TRRAP: variants seen among roughly 807,000 people sequenced by gnomAD.
TRRAP encodes transformation/transcription domain associated protein.
TRRAP carries 41 observed loss-of-function variants against 438.8 expected under a neutral mutation model. That is an observed-to-expected ratio of 0.09 (90% CI 0.07 to 0.12). TRRAP has a LOEUF of 0.12. Ranked by LOEUF, TRRAP falls within the 10% of genes least tolerant of loss-of-function variation. The pLI is 1.00. For synonymous variants in TRRAP, 1,994 were observed against 1,962.9 expected (o/e 1.02, Z -0.42); for missense variants, 3,122 against 5,055.1 (o/e 0.62, Z 11.60).
intron 47 of TRRAP, among the ~76,000 whole-genome samples, chr7:98,962,707 C>T (rs1401836865): frequency 6.6e-6 from 1 of 152,226 alleles, no homozygotes; most frequent in Non-Finnish European, 1.5e-5. Flanking sequence ...ACCCCAGTGT[C>T]ACACTAAACA....
chr7:98,889,002 G>A (rs187716402), intron 3 of TRRAP, among the ~76,000 whole-genome samples: 1 of 150,664 alleles, frequency 6.6e-6, no homozygotes, highest in East Asian at 1.9e-4. Flanking sequence ...AAAAGGATTT[G>A]GGTGTTAGAT....
At position 98,893,807 on chromosome 7, in the gene TRRAP, G is replaced by A; in HGVS notation, c.376G>A (p.Glu126Lys). The change falls in exon 6 of 73, where the codon GAA becomes AAA. Residue 126 changes from glutamate (E) to lysine (K), a missense_variant. By Grantham distance (56) the Glu-to-Lys change is moderately conservative. This residue lies in a region of TRRAP where 343 missense variants were observed against 564.0 expected (regional missense o/e 0.61). Coordinates refer to ENST00000456197, the MANE Select transcript of TRRAP (RefSeq NM_001375524.1). ...VMFRFLETEN[E>K]ENVLICLRII... ...AAATGCTTTTTTTTAGACGGAAAAT[G>A]AAGAAAATGTTCTTATTTGTCTAAG... The A allele has an allele frequency of 6.2e-7, 1 of 1,612,942 alleles. No individual in the cohort carries two copies. Among genetic ancestry groups the A allele is most frequent in the Non-Finnish European group, 8.5e-7 (1 of 1,179,534 alleles).
chr7:98,959,410 C>T lies in TRRAP; in HGVS notation c.6409C>T (p.Leu2137=), dbSNP rs760297611. The change falls in exon 45 of 73, where the codon CTG becomes TTG. Residue 2137 remains leucine, a synonymous_variant. Coordinates refer to ENST00000456197, the MANE Select transcript of TRRAP (RefSeq NM_001375524.1). ...GCTCTCTCGCCGGTGTGTGAACCTT[C>T]TGAAGACTGCGTTGCGGCCAGACAT... The part of the protein sequence containing the change: ...EVLSRRCVNL[L]KTALRPDMWP... 24 of 1,614,138 alleles carry T rather than the reference C, an allele frequency of 1.5e-5. No individual in the cohort carries two copies. In the East Asian group the frequency reaches 5.3e-4, roughly 36 times the overall value.
At chr7:98,911,026 C>G in intron 16 of TRRAP, 51 bp from the exon 17 acceptor site, 1 of 1,533,754 alleles carries the variant, frequency 6.5e-7, no homozygotes, top group African/African-American at 1.4e-5. Context: ...GGAACATATT[C>G]AGAGAGGTTC....
rs1554412837 is a variant in TRRAP, at chr7:98,931,460, G to A, written c.3647G>A (p.Arg1216Gln). 2.5e-6 allele frequency: 4 copies of A among 1,613,982 alleles called. No individual in the cohort carries two copies. Among genetic ancestry groups the A allele is most frequent in the South Asian group, 1.1e-5 (1 of 91,068 alleles). The change falls in exon 26 of 73, where the codon CGG (arginine) becomes CAG (glutamine). Residue 1216 changes from arginine to glutamine, a missense_variant. Arg to Gln is a conservative substitution (Grantham distance 43, BLOSUM62 1). Coordinates refer to ENST00000456197, the MANE Select transcript of TRRAP (RefSeq NM_001375524.1). ...AKTTLEQLLM[R>Q]CATPLKDEER... is the part of the protein sequence containing the mutation. ...ACCACGCTGGAGCAGCTTCTGATGC[G>A]GTGCGCAACGCCTTTAAAAGACGAG...
chr7:98,983,500 T>G, intron 60 of TRRAP, 41 bp downstream of exon 60: 1 of 1,609,986 alleles, frequency 6.2e-7, no homozygotes, highest in South Asian at 1.1e-5. Context: ...CATGTAATTT[T>G]CCAGACGCCC....
At chr7:98,934,160 C>T in intron 27 of TRRAP, among the ~76,000 whole-genome samples, 1 of 152,146 alleles carries the variant, frequency 6.6e-6, no homozygotes, top group Admixed American at 6.5e-5. Flanking sequence ...AAATTATAAG[C>T]AACATCTTTA....
chr7:98,995,646 A>AT (rs1287480139), intron 67 of TRRAP, among the ~76,000 whole-genome samples: 2 of 140,024 alleles, frequency 1.4e-5, no homozygotes, highest in Non-Finnish European at 3.1e-5. Flanking sequence ...ACCCCACAGT[A>AT]TCCCCCCCCC....
intron 31 of TRRAP, among the ~76,000 whole-genome samples, chr7:98,944,115 G>A (rs1021706349): frequency 2.0e-5 from 3 of 152,220 alleles, no homozygotes; most frequent in South Asian, 2.1e-4. Context: ...TCTTCGTGGA[G>A]GAGAGCAGAG....
rs781916462 is a variant in TRRAP at position 98,910,174 on chromosome 7, C to T, written c.1469C>T (p.Ala490Val). Residue 490 changes from alanine (A) to valine (V), a missense_variant, in exon 15 of 73, where the codon GCC becomes GTC. Around this residue, in one of 24 missense-constraint regions of TRRAP, gnomAD observed 115 missense variants for 124.6 expected, o/e 0.92. Coordinates refer to ENST00000456197, the MANE Select transcript of TRRAP (RefSeq NM_001375524.1). ...VEAALPGVPTAPAAPGPAPSP... is the reference protein window; with the variant it reads ...VEAALPGVPTVPAAPGPAPSP... The stretch of plus-strand genomic sequence containing the variant: ...GCAGCTCTGCCTGGGGTGCCCACTG[C>T]CCCTGCAGCTCCTGGCCCTGCTCCC... 4 of 1,611,234 alleles carry T rather than the reference C, an allele frequency of 2.5e-6. No homozygotes were observed. The highest frequency in any genetic ancestry group is 1.1e-5 in the South Asian group (1 of 90,844).
rs1554407487 is a variant in TRRAP at position 98,906,173 on chromosome 7, C to G, written c.1037-4C>G. On this transcript the variant is annotated splice_region_variant and splice_polypyrimidine_tract_variant and intron_variant, in intron 12 of 72. Coordinates refer to ENST00000456197, the MANE Select transcript of TRRAP (RefSeq NM_001375524.1). ...GATCTGTGCAATGGATGTTTGTCTTCTAGAGTTCATTCCTTGCATGGACAA... is the reference window on the plus strand; with the variant it reads ...GATCTGTGCAATGGATGTTTGTCTTGTAGAGTTCATTCCTTGCATGGACAA... 5.6e-6 allele frequency: 9 copies of G among 1,613,234 alleles called. No homozygotes were observed. The highest frequency in any genetic ancestry group is 1.3e-5 in the African/African-American group (1 of 74,888).
chr7:99,008,455 A>C lies in TRRAP; in HGVS notation c.10832A>C (p.Tyr3611Ser). ...TCTTCACTTTCCCTTGTGGAGATCTACAAGCAGCGCTGCGCCAAGAAGGGC... is the reference window on the plus strand; with the variant it reads ...TCTTCACTTTCCCTTGTGGAGATCTCCAAGCAGCGCTGCGCCAAGAAGGGC... ...NPSSLSLVEI[Y>S]KQRCAKKGIE... Residue 3611 changes from tyrosine to serine, a missense_variant, in exon 70 of 73, where the codon TAC becomes TCC. This residue lies in a region of TRRAP where 38 missense variants were observed against 32.1 expected (regional missense o/e 1.18). Transcript: ENST00000456197. The C allele has an allele frequency of 6.2e-7, 1 of 1,613,978 alleles. No homozygotes were observed.
chr7:98,950,009 A>T (rs1791259722), intron 37 of TRRAP, 55 bp from the exon 38 acceptor site: 13 of 1,607,526 alleles, frequency 8.1e-6, no homozygotes, highest in Non-Finnish European at 1.1e-5. Context: ...TCAGAGGCGT[A>T]GTTGTTAATG....
Position 98,903,408 on chromosome 7 carries a change from G to A in TRRAP, c.927G>A (p.Met309Ile). 6.2e-7 allele frequency: 1 copy of A among 1,614,232 alleles called. No homozygotes were observed. Among genetic ancestry groups the A allele is most frequent in the Non-Finnish European group, 8.5e-7 (1 of 1,180,048 alleles). Residue 309 changes from methionine (M) to isoleucine (I), a missense_variant, in exon 12 of 73, where the codon ATG (methionine) becomes ATA (isoleucine). By Grantham distance (10) the Met-to-Ile change is conservative. Around this residue, in one of 24 missense-constraint regions of TRRAP, gnomAD observed 343 missense variants for 564.0 expected, o/e 0.61. Transcript: ENST00000456197. Reference sequence around the variant, plus strand: ...TGGTGACTAAGTATTCTCAGCAGATGGTGAAAGGAATGCTCCAGTTACTTT... The same window carrying A: ...TGGTGACTAAGTATTCTCAGCAGATAGTGAAAGGAATGCTCCAGTTACTTT... ...QELVTKYSQQ[M>I]VKGMLQLLSN...
At chr7:98,953,099 T>C in intron 39 of TRRAP, 68 bp from the exon 40 acceptor site, 2 of 1,536,892 alleles carry the variant, frequency 1.3e-6, no homozygotes, top group East Asian at 2.3e-5. Flanking sequence ...CTTAAACCTG[T>C]CGTATGACCC....
At chr7:98,937,523 A>G (rs1383760802) in intron 29 of TRRAP, 127 bp from the exon 30 acceptor site, 17 of 1,146,338 alleles carry the variant, frequency 1.5e-5, no homozygotes, top group Admixed American at 3.2e-5. Flanking sequence ...CTGAAATAGT[A>G]TATGATTAAT....
intron 15 of TRRAP, 28 bp from the exon 16 acceptor site, chr7:98,910,482 T>C (rs2116408157): frequency 6.2e-7 from 1 of 1,613,822 alleles, no homozygotes; most frequent in Non-Finnish European, 8.5e-7. Flanking sequence ...TTTATTCAAG[T>C]TAACTTAATA....
chr7:98,993,412 C>A, intron 65 of TRRAP, 126 bp from the exon 66 acceptor site: 1 of 1,006,408 alleles, frequency 9.9e-7, no homozygotes, highest in Non-Finnish European at 1.4e-6. Flanking sequence ...CTTGGGGAAG[C>A]GGTCTTGTAG....
chr7:99,002,414 T>C (rs1584412428), intron 67 of TRRAP, among the ~76,000 whole-genome samples: 1 of 152,090 alleles, frequency 6.6e-6, no homozygotes. Context: ...GGGTTAGGAG[T>C]ACATGGGACT....
Sources: allele counts gnomAD v4.1 joint callset (sites outside exome capture counted in the v4.1 genomes callset), GRCh38; gene constraint gnomAD v4.1.1; regional missense constraint gnomAD v4.1.1; transcripts MANE v1.5; gene names NCBI Gene and HGNC (gene_info 2026-07-23, HGNC 2026-07-21).